The following KRT8 variants were observed in gnomAD, a reference collection of about 807,000 sequenced individuals.
KRT8 encodes the protein keratin 8.
In KRT8, 24 loss-of-function variants were observed where a neutral mutation model predicts 43.0. The observed-to-expected ratio is 0.56, with a 90% CI of 0.40 to 0.78. KRT8 has a LOEUF of 0.78. Among genes scored for constraint, KRT8 ranks in the 30% least tolerant of loss-of-function variants. KRT8 has a pLI of 0.00. For missense variants in KRT8, 492 were observed against 638.4 expected (o/e 0.77, Z 2.47); for synonymous variants, 214 against 261.2 (o/e 0.82, Z 1.74).
chr12:52,931,799 A>G (rs1351048260), intron 2 of KRT8, among the ~76,000 whole-genome samples: 1 of 151,814 alleles, frequency 6.6e-6, no homozygotes, highest in Non-Finnish European at 1.5e-5. Context: ...AGTAGCTGGG[A>G]TTACAGGTGC....
At chr12:52,901,348 G>C (rs764072745) in intron 2 of KRT8, 129 bp from the exon 3 acceptor site, 31 of 750,488 alleles carry the variant, frequency 4.1e-5, no homozygotes, top group Non-Finnish European at 7.0e-5. Flanking sequence ...TGAGAAGGCT[G>C]GTCCTTCTGC....
At chr12:52,906,399 T>C, upstream of KRT8, 1 of 293,248 alleles carries the variant, frequency 3.4e-6, no homozygotes, top group South Asian at 3.1e-5. Flanking sequence ...CTCGTGGTGC[T>C]ACCTGGACCC....
At chr12:52,932,481 T>C (rs746189352) in intron 2 of KRT8, among the ~76,000 whole-genome samples, 1 of 152,190 alleles carries the variant, frequency 6.6e-6, no homozygotes, top group Non-Finnish European at 1.5e-5. Context: ...TGTTTGTTTT[T>C]TTCTTTCTGA....
chr12:52,907,402 A>G (rs1007050852), upstream of KRT8, among the ~76,000 whole-genome samples: 47 of 152,110 alleles, frequency 3.1e-4, no homozygotes, highest in African/African-American at 1.1e-3. Flanking sequence ...CGCTCTCCCT[A>G]TCTTCCCTCC....
upstream of KRT8, among the ~76,000 whole-genome samples, chr12:52,905,890 A>G (rs1278917290): frequency 6.6e-6 from 1 of 152,082 alleles, no homozygotes; most frequent in Admixed American, 6.6e-5. Flanking sequence ...TCAGGAGTTC[A>G]AGACAAGCCT....
At chr12:52,901,545 G>T (rs1941370100) in intron 2 of KRT8, 3 of 554,940 alleles carry the variant, frequency 5.4e-6, no homozygotes, top group Non-Finnish European at 9.7e-6. Context: ...CTAAAGAGGG[G>T]CCAGAATGTT....
chr12:52,949,280 A>T, intron 2 of KRT8: 1 of 1,610,794 alleles, frequency 6.2e-7, no homozygotes, highest in Non-Finnish European at 8.5e-7. Flanking sequence ...GCCAGCGTCT[A>T]TGCAGGCGCT....
intron 2 of KRT8, among the ~76,000 whole-genome samples, chr12:52,933,610 A>AT (rs1040287626): frequency 2.6e-5 from 4 of 151,928 alleles, no homozygotes; most frequent in South Asian, 4.2e-4. Context: ...AACCAAAACA[A>AT]TTTTTTTTAT....
chr12:52,898,605 A>G (rs1941276606), intron 6 of KRT8, 74 bp downstream of exon 6: 1 of 1,612,082 alleles, frequency 6.2e-7, no homozygotes, highest in Non-Finnish European at 8.5e-7. Context: ...AAGGGGCTTC[A>G]GGGGGCTCCC....
chr12:52,946,566 G>C (rs192406971), intron 2 of KRT8: 1 of 152,286 alleles, frequency 6.6e-6, no homozygotes, highest in Non-Finnish European at 1.5e-5. Flanking sequence ...AAGTATCCAG[G>C]CTGGCTGACT....
At chr12:52,918,093 AGAAGAG>A (rs1209343638) in intron 2 of KRT8, among the ~76,000 whole-genome samples, 2 of 138,546 alleles carry the variant, frequency 1.4e-5, no homozygotes, top group African/African-American at 5.8e-5. Context: ...GAGGAGAAGA[AGAAGAG>A]GAAGAAGAAG....
In KRT8 at chr12:52,938,467, T is replaced by G. The variant is rs1942214469; in HGVS notation, c.-47+10989A>C. 2.0e-5 allele frequency among the ~76,000 whole-genome samples: 3 copies of G among 151,692 alleles called. No homozygotes were observed. In the South Asian group the frequency reaches 6.2e-4, roughly 32 times the overall value. On this transcript the variant is annotated intron_variant, in intron 2 of 6. Transcript: ENST00000546826. ...CTAGTGTGAGACTCCACATCCAGCC[T>G]AACTTTTGTTTTTCCTTTTTAATAA...
chr12:52,901,421 C>A, intron 2 of KRT8: 1 of 632,392 alleles, frequency 1.6e-6, no homozygotes, highest in Non-Finnish European at 2.9e-6. Flanking sequence ...GGAAATCTCT[C>A]TCCAAATCCA....
chr12:52,949,699 A>T, intron 1 of KRT8: 2 of 1,029,802 alleles, frequency 1.9e-6, no homozygotes, highest in Non-Finnish European at 3.0e-6. Flanking sequence ...CTCCACCGGG[A>T]GGGGGTTGGG....
At chr12:52,897,852 T>C (rs1941252928) in intron 7 of KRT8, among the ~76,000 whole-genome samples, 1 of 152,166 alleles carries the variant, frequency 6.6e-6, no homozygotes, top group South Asian at 2.1e-4. Context: ...TAGCTGCACC[T>C]CAGCTTCCTC....
chr12:52,925,384 C>T (rs1941969350), intron 2 of KRT8, among the ~76,000 whole-genome samples: 1 of 152,096 alleles, frequency 6.6e-6, no homozygotes, highest in Non-Finnish European at 1.5e-5. Flanking sequence ...CTGTGGGCCC[C>T]GAAGCATACC....
At chr12:52,938,909 G>T (rs143174568) in intron 2 of KRT8, among the ~76,000 whole-genome samples, 2,688 of 152,022 alleles carry the variant, frequency 0.018, 68 homozygotes, top group African/African-American at 0.059. Context: ...GAGCCACCGC[G>T]CCTGGCCTAC....
At chr12:52,908,694 G>A (rs1053786191), upstream of KRT8, among the ~76,000 whole-genome samples, 1 of 152,148 alleles carries the variant, frequency 6.6e-6, no homozygotes, top group Admixed American at 6.6e-5. Flanking sequence ...TCTTTCTGGG[G>A]TGATGAGAAT....
chr12:52,931,071 C>T (rs11615553), intron 2 of KRT8, among the ~76,000 whole-genome samples: 2,878 of 146,106 alleles, frequency 0.02, 56 homozygotes, highest in African/African-American at 0.049. Context: ...CCCCCAGATT[C>T]TTTTTTTTTT....
Sources: gnomAD v4.1 joint callset for allele counts (sites outside exome capture counted in the v4.1 genomes callset) on GRCh38, gnomAD v4.1.1 for gene constraint, MANE v1.5 for transcripts, NCBI Gene and HGNC (gene_info 2026-07-23, HGNC 2026-07-21) for gene names.